The following FBXL17 variants were observed in gnomAD, a reference collection of about 807,000 sequenced individuals.
FBXL17 encodes the protein F-box and leucine rich repeat protein 17.
Under a neutral mutation model 66.2 loss-of-function variants are expected in FBXL17, and 22 were observed. That is an observed-to-expected ratio of 0.33 (90% CI 0.24 to 0.47). The LOEUF is 0.47. Among genes scored for constraint, FBXL17 ranks in the 20% least tolerant of loss-of-function variants. The pLI is 1.00. For synonymous variants in FBXL17, 474 were observed against 400.5 expected, an observed-to-expected ratio of 1.18 and a Z score of -2.19; for missense variants, 878 against 948.2, an observed-to-expected ratio of 0.93 and a Z score of 0.97.
At chr5:108,084,746 AC>A (rs1390854561) in intron 6 of FBXL17, among the ~76,000 whole-genome samples, 1 of 152,222 alleles carries the variant, frequency 6.6e-6, no homozygotes, top group Non-Finnish European at 1.5e-5. Context: ...TGCAATCTCA[AC>A]CACTTAGTAA....
At chr5:108,281,291 T>TA (rs1221402283) in intron 4 of FBXL17, among the ~76,000 whole-genome samples, 1 of 151,852 alleles carries the variant, frequency 6.6e-6, no homozygotes, top group African/African-American at 2.4e-5. Flanking sequence ...GGCACATTTT[T>TA]AAAAATCAAA....
intron 4 of FBXL17, 50 bp downstream of exon 4, chr5:108,348,349 C>A: frequency 1.4e-6 from 2 of 1,452,374 alleles, no homozygotes; most frequent in Non-Finnish European, 1.9e-6. Flanking sequence ...TGAAAGAATT[C>A]GAAGGTTAGG....
At chr5:107,906,510 C>T (rs895430979) in intron 7 of FBXL17, among the ~76,000 whole-genome samples, 4 of 152,098 alleles carry the variant, frequency 2.6e-5, no homozygotes, top group African/African-American at 9.7e-5. Flanking sequence ...GATGTAGGTG[C>T]TATTTGTATC....
intron 7 of FBXL17, among the ~76,000 whole-genome samples, chr5:107,952,444 T>A (rs949240405): frequency 5.3e-5 from 8 of 152,216 alleles, no homozygotes; most frequent in African/African-American, 1.7e-4. Flanking sequence ...CAGAGTTGGT[T>A]AGAAATGATG....
chr5:107,928,480 T>C (rs1750613147), intron 7 of FBXL17, among the ~76,000 whole-genome samples: 2 of 152,112 alleles, frequency 1.3e-5, no homozygotes, highest in South Asian at 4.1e-4. Context: ...GTTACTCTTT[T>C]TGAAAGAGGC....
At chr5:108,257,763 G>A (rs1339814588) in intron 4 of FBXL17, among the ~76,000 whole-genome samples, 5 of 152,090 alleles carry the variant, frequency 3.3e-5, no homozygotes, top group African/African-American at 1.2e-4. Context: ...CTTCCATAAG[G>A]ATTTAAATGG....
At chr5:108,268,768 C>T (rs759250304) in intron 4 of FBXL17, among the ~76,000 whole-genome samples, 26 of 151,974 alleles carry the variant, frequency 1.7e-4, no homozygotes, top group Non-Finnish European at 3.5e-4. Flanking sequence ...ATATGAATTA[C>T]CTTGGAATGT....
intron 4 of FBXL17, among the ~76,000 whole-genome samples, chr5:108,309,838 T>G (rs1759031432): frequency 6.6e-6 from 1 of 152,086 alleles, no homozygotes; most frequent in East Asian, 1.9e-4. Flanking sequence ...GAGAAGGTAC[T>G]GATTTTGTAA....
chr5:108,209,835 AAGG>A (rs1352447035), intron 5 of FBXL17, among the ~76,000 whole-genome samples: 1 of 152,180 alleles, frequency 6.6e-6, no homozygotes, highest in African/African-American at 2.4e-5. Context: ...AAAATGAGTT[AAGG>A]AGGATTCCCT....
At chr5:108,018,594 G>T (rs1231675353) in intron 7 of FBXL17, among the ~76,000 whole-genome samples, 1 of 152,054 alleles carries the variant, frequency 6.6e-6, no homozygotes, top group Non-Finnish European at 1.5e-5. Context: ...ACATTTTGGA[G>T]AACAGAATCA....
chr5:108,009,310 C>CACAT (rs1754090277), intron 7 of FBXL17, among the ~76,000 whole-genome samples: 1 of 51,398 alleles, frequency 1.9e-5, no homozygotes, highest in African/African-American at 7.8e-5. Context: ...TACATATATA[C>CACAT]ATACACATAT....
At chr5:108,013,137 C>A (rs167012) in intron 7 of FBXL17, among the ~76,000 whole-genome samples, 1 of 151,180 alleles carries the variant, frequency 6.6e-6, no homozygotes, top group African/African-American at 2.4e-5. Flanking sequence ...ATTATTGTTA[C>A]GAAAGTTTGT....
Position 108,238,607 on chromosome 5 carries a change from C to T in FBXL17, c.1507-14379G>A, listed in dbSNP as rs147351723. 6.5e-3 allele frequency among the ~76,000 whole-genome samples: 993 copies of T among 152,240 alleles called. 9 individuals are homozygous for T. Among genetic ancestry groups the T allele is most frequent in the African/African-American group, 0.023 (951 of 41,546 alleles). ...CTCACTGCAGCCTTCACTTCCCAGG[C>T]TCCGGTAATCCTCCCACCTCACCCT... On this transcript the variant is annotated intron_variant, in intron 4 of 8. Transcript: ENST00000542267.
intron 4 of FBXL17, among the ~76,000 whole-genome samples, chr5:108,246,171 C>A (rs891036636): frequency 1.3e-5 from 2 of 152,126 alleles, no homozygotes; most frequent in African/African-American, 4.8e-5. Flanking sequence ...TCTCTCCCCC[C>A]TCCTCATAAT....
chr5:107,925,463 C>T (rs1444903487), intron 7 of FBXL17, among the ~76,000 whole-genome samples: 1 of 152,190 alleles, frequency 6.6e-6, no homozygotes, highest in East Asian at 1.9e-4. Context: ...GTTGCACGTA[C>T]CTGTCTGTGA....
intron 8 of FBXL17, among the ~76,000 whole-genome samples, chr5:107,877,237 A>C (rs899572591): frequency 6.6e-6 from 1 of 152,154 alleles, no homozygotes; most frequent in Admixed American, 6.5e-5. Flanking sequence ...GCATTGTTGC[A>C]CGACTGGAGG....
chr5:107,917,602 T>C (rs957779595), intron 7 of FBXL17, among the ~76,000 whole-genome samples: 1 of 152,230 alleles, frequency 6.6e-6, no homozygotes, highest in East Asian at 1.9e-4. Flanking sequence ...GGAGCTCATC[T>C]ACTATTTAGT....
intron 4 of FBXL17, among the ~76,000 whole-genome samples, chr5:108,287,757 A>T (rs1757956296): frequency 6.6e-6 from 1 of 152,054 alleles, no homozygotes; most frequent in African/African-American, 2.4e-5. Flanking sequence ...CAGCAATCCC[A>T]TTGTTGGGTA....
intron 6 of FBXL17, among the ~76,000 whole-genome samples, chr5:108,172,487 T>A (rs895253526): frequency 6.6e-6 from 1 of 152,246 alleles, no homozygotes; most frequent in East Asian, 1.9e-4. Context: ...CTTTGACATC[T>A]TCTATCTTCT....
Sources: gnomAD v4.1 joint callset for allele counts (sites outside exome capture counted in the v4.1 genomes callset) on GRCh38, gnomAD v4.1.1 for gene constraint, MANE v1.5 for transcripts, NCBI Gene and HGNC (gene_info 2026-07-23, HGNC 2026-07-21) for gene names.